The following NWD1 variants were observed in gnomAD, a reference collection of about 807,000 sequenced individuals.
NWD1 encodes NACHT domain- and WD repeat-containing protein 1.
In NWD1, 129 loss-of-function variants were observed where a neutral mutation model predicts 135.1. The observed-to-expected ratio is 0.96, with a 90% confidence interval of 0.83 to 1.11. NWD1 has a LOEUF of 1.11. Ranked by LOEUF, NWD1 falls within the 50% of genes least tolerant of loss-of-function variation. NWD1 has a pLI of 0.00. For missense variants in NWD1, 1,740 were observed against 1,851.3 expected (o/e 0.94, Z 1.10); for synonymous variants, 773 against 786.0 (o/e 0.98, Z 0.28).
intron 17 of NWD1, among the ~76,000 whole-genome samples, chr19:16,800,516 G>A (rs1207172050): frequency 2.6e-5 from 4 of 152,104 alleles, no homozygotes; most frequent in Admixed American, 6.6e-5. Context: ...GGGCGACAGA[G>A]TGAGACTCTG....
At chr19:16,779,750 C>T (rs1461108002) in intron 12 of NWD1, among the ~76,000 whole-genome samples, 2 of 152,072 alleles carry the variant, frequency 1.3e-5, no homozygotes, top group African/African-American at 4.8e-5. Flanking sequence ...GATCCTCCTG[C>T]CTCAGCCTCC....
intron 15 of NWD1, 44 bp from the exon 16 acceptor site, chr19:16,797,688 T>C (rs1970462074): frequency 1.3e-6 from 2 of 1,570,726 alleles, no homozygotes; most frequent in African/African-American, 1.4e-5. Context: ...ACCCTCAATC[T>C]CCTCTGGACA....
chr19:16,722,177 T>G (rs2122652305), intron 1 of NWD1, among the ~76,000 whole-genome samples: 1 of 151,984 alleles, frequency 6.6e-6, no homozygotes, highest in Middle Eastern at 3.4e-3. Flanking sequence ...GTGTGCCTGT[T>G]AATCCCAGCT....
At position 16,800,134 on chromosome 19, in the gene NWD1, CAA is replaced by C. The variant is rs1970556908; in HGVS notation, c.3710_3711del (p.Lys1237SerfsTer20). ...VYFPKIGDKN[K>X]VTIWDLAEGE... ...ACTTCCCCAAAATTGGGGACAAAAACAAAGTCACTATTTGGGACTTGGCAGAA... is the reference window on the plus strand; with the variant it reads ...ACTTCCCCAAAATTGGGGACAAAAACAGTCACTATTTGGGACTTGGCAGAA... On this transcript the variant is annotated frameshift_variant, in exon 17 of 19. Coordinates refer to ENST00000524140, the MANE Select transcript of NWD1 (RefSeq NM_001007525.5). LOFTEE classifies it high-confidence loss of function. 1 of 1,613,456 alleles carries C rather than the reference CAA, an allele frequency of 6.2e-7. No homozygotes were observed. The highest frequency in any genetic ancestry group is 8.5e-7 in the Non-Finnish European group (1 of 1,179,746).
rs922995882 is a variant in NWD1 at position 16,817,614 on chromosome 19, A to G, written c.*2575A>G. The stretch of plus-strand genomic sequence containing the variant: ...CTCTGTCTCCAAAAAAAAAAAAAAA[A>G]AAAAGTAATGGCAAAAACCACAATT... On this transcript the variant is annotated 3_prime_UTR_variant, in exon 19 of 19. Transcript: ENST00000524140. 6.6e-6 allele frequency: 1 copy of G among 151,920 alleles called. No homozygotes were observed. Among genetic ancestry groups the G allele is most frequent in the African/African-American group, 2.4e-5 (1 of 41,390 alleles). The allele number at this position is 151,920 out of a possible 1,614,324, so 9.4% of individuals were successfully genotyped here.
Position 16,807,732 on chromosome 19 carries a change from C to G in NWD1, c.3883C>G (p.Pro1295Ala). The change falls in exon 18 of 19, where the codon CCT becomes GCT. Residue 1295 changes from proline to alanine, a missense_variant. Transcript: ENST00000524140. ...NSRQDVICIP[P>A]PEARKAINCM... ...CAGGCAGGACGTGATATGCATTCCC[C>G]CTCCCGAGGCCCGGAAAGCAATCAA... 3.1e-6 allele frequency: 5 copies of G among 1,613,422 alleles called. No individual in the cohort carries two copies. In the South Asian group the frequency reaches 3.3e-5, roughly 11 times the overall value.
intron 10 of NWD1, among the ~76,000 whole-genome samples, chr19:16,771,080 G>T (rs2122937352): frequency 6.6e-6 from 1 of 152,238 alleles, no homozygotes; most frequent in African/African-American, 2.4e-5. Context: ...CAGAAGGATT[G>T]CTAGAGGGCA....
chr19:16,751,321 C>T (rs1210773939), intron 6 of NWD1, among the ~76,000 whole-genome samples: 2 of 149,490 alleles, frequency 1.3e-5, no homozygotes, highest in Non-Finnish European at 3.0e-5. Context: ...TCAAAAGTAA[C>T]AAGCATATAT....
rs374029844 is a variant in NWD1 at position 16,773,169 on chromosome 19, C to T, written c.2454C>T (p.Phe818=). 101 of 1,613,980 alleles carry T rather than the reference C, an allele frequency of 6.3e-5. No individual in the cohort carries two copies. The African/African-American group carries it at 1.3e-3, about 20-fold the overall frequency. ...LYTELLARLH[F]FATSHPALVG... Reference sequence around the variant, plus strand: ...CAGAACTGCTGGCCAGACTCCATTTCTTCGCCACCTCACATCCAGCACTGG... The same window carrying T: ...CAGAACTGCTGGCCAGACTCCATTTTTTCGCCACCTCACATCCAGCACTGG... The change falls in exon 11 of 19, where the codon TTC becomes TTT. Residue 818 remains phenylalanine (F), a synonymous_variant. Transcript: ENST00000524140.
intron 3 of NWD1, 79 bp from the exon 4 acceptor site, chr19:16,736,555 C>G: frequency 1.1e-6 from 1 of 939,282 alleles, no homozygotes; most frequent in Non-Finnish European, 1.7e-6. Flanking sequence ...AAGAAACTTT[C>G]TGCTTTGTCA....
At chr19:16,752,684 A>T (rs1968626276) in intron 6 of NWD1, among the ~76,000 whole-genome samples, 1 of 152,074 alleles carries the variant, frequency 6.6e-6, no homozygotes, top group Non-Finnish European at 1.5e-5. Context: ...AGATTTCCCG[A>T]CTGGCTTACA....
intron 12 of NWD1, among the ~76,000 whole-genome samples, chr19:16,780,573 C>T (rs1050783004): frequency 2.0e-5 from 3 of 152,178 alleles, no homozygotes; most frequent in African/African-American, 7.2e-5. Context: ...AAGAGCAGTC[C>T]AGTAGGGAAA....
At chr19:16,783,646 A>T (rs1336270525) in intron 12 of NWD1, among the ~76,000 whole-genome samples, 41 of 149,734 alleles carry the variant, frequency 2.7e-4, no homozygotes, top group Non-Finnish European at 1.0e-4. Context: ...AAAAATAAAA[A>T]TAATAAAATA....
chr19:16,732,291 G>A (rs1281596077), intron 3 of NWD1, among the ~76,000 whole-genome samples: 1 of 151,800 alleles, frequency 6.6e-6, no homozygotes, highest in African/African-American at 2.4e-5. Flanking sequence ...GGCAGGTGGT[G>A]TAGAAAAGTG....
chr19:16,729,577 T>TAAAAAAA (rs537329853), intron 2 of NWD1, among the ~76,000 whole-genome samples: 3 of 125,052 alleles, frequency 2.4e-5, no homozygotes, highest in Admixed American at 8.1e-5. Context: ...TTACAAAAAG[T>TAAAAAAA]AAAAAAAAAA....
At position 16,744,512 on chromosome 19, in the gene NWD1, G is replaced by T. The variant is rs1208623247; in HGVS notation, c.290G>T (p.Arg97Met). ...WEVLRDHLTARPSDLELVARY... is the reference protein window; with the variant it reads ...WEVLRDHLTAMPSDLELVARY... ...GTATTGAGGGACCATCTGACTGCCA[G>T]GCCAAGTGACCTGGAGCTGGTGGCA... The change falls in exon 5 of 19, where the codon AGG (arginine) becomes ATG (methionine). Residue 97 changes from arginine (R) to methionine (M), a missense_variant. Arg to Met is a moderately conservative substitution (Grantham distance 91). Transcript: ENST00000524140. 1.3e-6 allele frequency: 2 copies of T among 1,536,116 alleles called. No homozygotes were observed. Among genetic ancestry groups the T allele is most frequent in the Non-Finnish European group, 1.7e-6 (2 of 1,146,910 alleles).
chr19:16,747,403 G>A (rs538804753), intron 5 of NWD1, among the ~76,000 whole-genome samples: 79 of 150,358 alleles, frequency 5.3e-4, no homozygotes, highest in African/African-American at 1.9e-3. Context: ...TTGAGACAAG[G>A]TCTTACTCTG....
In NWD1 at chr19:16,779,419, G is replaced by A. The variant is rs752708944; in HGVS notation, c.2685G>A (p.Trp895Ter). ...CCCAGGATGGCATCATGGCTGTGTG[G>A]GACATGGAAGAGCAGCATGTGATCC... is the stretch of plus-strand genomic sequence containing the variant. ...IGTQDGIMAV[W>*]DMEEQHVIHM... Residue 895 changes from tryptophan (W) to a stop codon, truncating the protein, a stop_gained, in exon 12 of 19, where the codon TGG becomes TGA. Coordinates refer to ENST00000524140, the MANE Select transcript of NWD1 (RefSeq NM_001007525.5). LOFTEE classifies it high-confidence loss of function. 6 of 1,613,678 alleles carry A rather than the reference G, an allele frequency of 3.7e-6. No individual in the cohort carries two copies. The East Asian group carries it at 1.3e-4, about 36-fold the overall frequency.
rs188931846 is a variant in NWD1 at position 16,812,954 on chromosome 19, C to G, written c.4288-2074C>G. On this transcript the variant is annotated intron_variant, in intron 18 of 18. Coordinates refer to ENST00000524140, the MANE Select transcript of NWD1 (RefSeq NM_001007525.5). ...AGGGCCCTGCTCTGGCCACCTCTAGCTGCATCCCTTAGCTTTTAGGAAGGT... is the reference window on the plus strand; with the variant it reads ...AGGGCCCTGCTCTGGCCACCTCTAGGTGCATCCCTTAGCTTTTAGGAAGGT... The G allele has an allele frequency of 5.3e-5, 39 of 732,544 alleles. No homozygotes were observed. The Admixed American group carries it at 6.1e-4, about 11-fold the overall frequency. The allele number at this position is 732,544 out of a possible 1,614,324, so 45.4% of individuals were successfully genotyped here. A position where few individuals can be genotyped will look rare whatever the true frequency, so the allele number is the denominator to read the frequency against.
Sources: gnomAD v4.1 joint callset for allele counts (sites outside exome capture counted in the v4.1 genomes callset) on GRCh38, gnomAD v4.1.1 for gene constraint, MANE v1.5 for transcripts, NCBI Gene and HGNC (gene_info 2026-07-23, HGNC 2026-07-21) for gene names.